ZNF680: variants seen among roughly 807,000 people sequenced by gnomAD.
ZNF680 encodes hypothetical protein FLJ90430.
In ZNF680, 6 loss-of-function variants were observed where a neutral mutation model predicts 12.1. The observed-to-expected ratio is 0.49, with a 90% CI of 0.27 to 0.98. The LOEUF is 0.98. Among genes scored for constraint, ZNF680 ranks in the 50% least tolerant of loss-of-function variants. The probability of loss-of-function intolerance (pLI) is 0.12; values close to 1 mark genes in which losing one functional copy is unlikely to be tolerated. For synonymous variants in ZNF680, 170 were observed against 199.3 expected, an observed-to-expected ratio of 0.85 and a Z score of 1.24; for missense variants, 561 against 616.3, an observed-to-expected ratio of 0.91 and a Z score of 0.95.
intron 3 of ZNF680, among the ~76,000 whole-genome samples, chr7:64,536,588 C>T (rs528409836): frequency 4.1e-4 from 63 of 152,318 alleles, no homozygotes; most frequent in African/African-American, 1.4e-3. Context: ...CCCACCAGGT[C>T]CCACATCCAA....
At chr7:64,501,257 C>T in the ZNF680 span, 1 of 913,558 alleles carries the variant, frequency 1.1e-6, no homozygotes, top group African/African-American at 1.6e-5. Flanking sequence ...TTTCCTCCTC[C>T]TCCTCCTATT....
intron 3 of ZNF680, among the ~76,000 whole-genome samples, chr7:64,529,307 G>T (rs967109111): frequency 2.0e-5 from 3 of 152,128 alleles, no homozygotes; most frequent in Non-Finnish European, 4.4e-5. Context: ...TCCAAACCAA[G>T]AAGGAATCCC....
chr7:64,549,668 T>C (rs913970977), intron 1 of ZNF680, among the ~76,000 whole-genome samples: 87 of 145,866 alleles, frequency 6.0e-4, no homozygotes, highest in African/African-American at 2.2e-3. Context: ...TTCTAAATGA[T>C]ATGTCTACCT....
the ZNF680 span, among the ~76,000 whole-genome samples, chr7:64,502,560 C>T: frequency 6.6e-6 from 1 of 152,122 alleles, no homozygotes; most frequent in African/African-American, 2.4e-5. Context: ...AATGCATCCT[C>T]TAGAAAAATA....
At chr7:64,545,021 G>A (rs1398128519) in intron 1 of ZNF680, among the ~76,000 whole-genome samples, 1 of 152,110 alleles carries the variant, frequency 6.6e-6, no homozygotes, top group African/African-American at 2.4e-5. Context: ...CACTCTGGGA[G>A]GCCGAGGCAG....
intron 3 of ZNF680, chr7:64,525,981 C>G: frequency 1.0e-6 from 1 of 985,208 alleles, no homozygotes; most frequent in Non-Finnish European, 1.2e-6. Flanking sequence ...CTTTGTTCCA[C>G]ACTGTCTTAA....
In ZNF680 at chr7:64,544,340, C is replaced by A; in HGVS notation, c.123G>T (p.Val41=). The change falls in exon 2 of 4, where the codon GTG becomes GTT. Residue 41 remains valine, a synonymous_variant. Coordinates refer to ENST00000309683, the MANE Select transcript of ZNF680 (RefSeq NM_178558.5). ...DTAQRNLYRK[V]MFENYRNLVF... ...CCAGGTTTCTGTAGTTCTCAAACATCACTTTCCTATATAAATTCCGTTGTG... is the reference window on the plus strand; with the variant it reads ...CCAGGTTTCTGTAGTTCTCAAACATAACTTTCCTATATAAATTCCGTTGTG... The A allele has an allele frequency of 6.2e-7, 1 of 1,604,584 alleles. No homozygotes were observed. The highest frequency in any genetic ancestry group is 1.3e-5 in the African/African-American group (1 of 74,788).
the ZNF680 span, among the ~76,000 whole-genome samples, chr7:64,512,612 A>T: frequency 2.6e-5 from 4 of 152,046 alleles, no homozygotes; most frequent in Admixed American, 6.6e-5. Flanking sequence ...AATCTCATTT[A>T]AAAAAAATTT....
At chr7:64,525,568 TA>T (rs1791793824) in intron 3 of ZNF680, 1 of 195,842 alleles carries the variant, frequency 5.1e-6, no homozygotes. Context: ...TTTTAATGGG[TA>T]TTGATATTTA....
chr7:64,526,392 T>C, intron 3 of ZNF680: 5 of 1,442,164 alleles, frequency 3.5e-6, no homozygotes, highest in Non-Finnish European at 4.6e-6. Context: ...CAGTTCTACA[T>C]GAAGGGCTAC....
chr7:64,536,804 C>G (rs565092331), intron 3 of ZNF680, among the ~76,000 whole-genome samples: 1 of 152,332 alleles, frequency 6.6e-6, no homozygotes, highest in Admixed American at 6.5e-5. Flanking sequence ...TGCAGTGGCT[C>G]ATGCCTATAA....
chr7:64,555,706 T>A (rs1787372491), intron 1 of ZNF680, among the ~76,000 whole-genome samples: 1 of 137,494 alleles, frequency 7.3e-6, no homozygotes, highest in Non-Finnish European at 1.5e-5. Flanking sequence ...GACCAAAAAA[T>A]CCAGGAATTA....
chr7:64,505,837 C>G, the ZNF680 span, among the ~76,000 whole-genome samples: 1 of 151,390 alleles, frequency 6.6e-6, no homozygotes, highest in African/African-American at 2.4e-5. Flanking sequence ...ATGTGGGAGG[C>G]AGGAATGATG....
At chr7:64,562,037 A>T (rs1282139020) in intron 1 of ZNF680, among the ~76,000 whole-genome samples, 5 of 151,116 alleles carry the variant, frequency 3.3e-5, no homozygotes, top group African/African-American at 1.2e-4. Context: ...GTTCAAGACC[A>T]GCCTGTCCAA....
chr7:64,550,875 T>C (rs1455651304), intron 1 of ZNF680, among the ~76,000 whole-genome samples: 1 of 152,214 alleles, frequency 6.6e-6, no homozygotes, highest in African/African-American at 2.4e-5. Context: ...TATATGTTTA[T>C]GTCATGTCTG....
the ZNF680 span, among the ~76,000 whole-genome samples, chr7:64,510,202 G>A: frequency 7.8e-5 from 11 of 141,830 alleles, no homozygotes; most frequent in Non-Finnish European, 1.5e-4. Flanking sequence ...CCTAATTAAA[G>A]TCTTGGTGAT....
At chr7:64,511,478 T>C in the ZNF680 span, among the ~76,000 whole-genome samples, 1 of 151,978 alleles carries the variant, frequency 6.6e-6, no homozygotes, top group Non-Finnish European at 1.5e-5. Context: ...CTTAACTGTT[T>C]ACACCTCACA....
At chr7:64,515,568 G>A (rs1791335264), downstream of ZNF680, among the ~76,000 whole-genome samples, 1 of 151,540 alleles carries the variant, frequency 6.6e-6, no homozygotes, top group Admixed American at 6.6e-5. Flanking sequence ...AATGCAGCCT[G>A]GAAAAAAAAA....
At chr7:64,505,961 T>G in the ZNF680 span, among the ~76,000 whole-genome samples, 2 of 152,128 alleles carry the variant, frequency 1.3e-5, no homozygotes, top group African/African-American at 4.8e-5. Flanking sequence ...TCCCTTTCTC[T>G]TAAAAGCACC....
Sources: gnomAD v4.1 joint callset for allele counts (sites outside exome capture counted in the v4.1 genomes callset) on GRCh38, gnomAD v4.1.1 for gene constraint, MANE v1.5 for transcripts, NCBI Gene and HGNC (gene_info 2026-07-23, HGNC 2026-07-21) for gene names.